LNX2: variants seen among roughly 807,000 people sequenced by gnomAD.
LNX2 encodes the protein ligand of numb-protein X 2.
Under a neutral mutation model 66.2 loss-of-function variants are expected in LNX2, and 35 were observed. That is an observed-to-expected ratio of 0.53 (90% CI 0.40 to 0.70). LNX2 has a LOEUF of 0.70. LNX2 is among the 30% of genes least tolerant of loss of function. The pLI, the probability that LNX2 is intolerant of heterozygous loss-of-function variation, is 0.00. For missense variants in LNX2, 791 were observed against 850.8 expected (o/e 0.93, Z 0.87); for synonymous variants, 337 against 315.6 (o/e 1.07, Z -0.72).
At chr13:27,556,510 A>G (rs1955063056) in intron 6 of LNX2, 97 bp from the exon 7 acceptor site, 1 of 997,840 alleles carries the variant, frequency 1.0e-6, no homozygotes, top group Admixed American at 2.6e-5. Context: ...CATGGCATTT[A>G]TAAAGTAATT....
intron 8 of LNX2, among the ~76,000 whole-genome samples, chr13:27,552,437 G>A (rs1425438745): frequency 1.3e-5 from 2 of 152,190 alleles, no homozygotes; most frequent in African/African-American, 4.8e-5. Flanking sequence ...AATTCTTATT[G>A]TTTTATTTTA....
At chr13:27,596,052 C>G (rs1535786) in intron 1 of LNX2, among the ~76,000 whole-genome samples, 103,812 of 152,062 alleles carry the variant, frequency 0.68, 36,924 homozygotes, top group African/African-American at 0.89. Context: ...ACTATCTTTT[C>G]CATGTACAGC....
chr13:27,556,337 G>A lies in LNX2; in HGVS notation c.1445C>T (p.Thr482Ile). The change falls in exon 7 of 10, where the codon ACC (threonine) becomes ATC (isoleucine). Residue 482 changes from threonine (T) to isoleucine (I), a missense_variant. Coordinates refer to ENST00000316334, the MANE Select transcript of LNX2 (RefSeq NM_153371.4). ...CTTACTTCCCCTGCCCCCAGCAACG[G>A]TCATGCCAAGGGATTCATGTGGTTC... ...KKEPHESLGM[T>I]VAGGRGSKSG... 1 of 1,613,932 alleles carries A rather than the reference G, an allele frequency of 6.2e-7. No homozygotes were observed. Among genetic ancestry groups the A allele is most frequent in the Non-Finnish European group, 8.5e-7 (1 of 1,179,950 alleles).
intron 4 of LNX2, among the ~76,000 whole-genome samples, chr13:27,564,648 T>C (rs1955182949): frequency 6.6e-6 from 1 of 152,178 alleles, no homozygotes; most frequent in Non-Finnish European, 1.5e-5. Flanking sequence ...TAAATAAATA[T>C]ATATAAATGT....
At chr13:27,602,367 C>T (rs1192590294) in intron 1 of LNX2, among the ~76,000 whole-genome samples, 1 of 152,136 alleles carries the variant, frequency 6.6e-6, no homozygotes, top group Admixed American at 6.5e-5. Flanking sequence ...CCCTTCCCAG[C>T]CAATCTCAAC....
At chr13:27,603,612 A>C (rs1014994845) in intron 1 of LNX2, among the ~76,000 whole-genome samples, 3 of 152,228 alleles carry the variant, frequency 2.0e-5, no homozygotes, top group African/African-American at 7.2e-5. Flanking sequence ...CACTTAGGGA[A>C]GCCACTAGCG....
rs567058860 is a variant in LNX2, at chr13:27,576,867, C to T, written c.407+4430G>A. ...AAACTAGAAAACTCTTAGAAGAAAA[C>T]GTACATGTAAATTTTTGTGACCTTG... is the stretch of plus-strand genomic sequence containing the variant. On this transcript the variant is annotated intron_variant, in intron 2 of 9. Coordinates refer to ENST00000316334, the MANE Select transcript of LNX2 (RefSeq NM_153371.4). 5.3e-5 allele frequency among the ~76,000 whole-genome samples: 8 copies of T among 152,158 alleles called. No individual in the cohort carries two copies. In the South Asian group the frequency reaches 6.2e-4, roughly 12 times the overall value.
intron 2 of LNX2, among the ~76,000 whole-genome samples, chr13:27,575,426 G>A (rs1050152945): frequency 1.3e-5 from 2 of 152,188 alleles, no homozygotes; most frequent in Non-Finnish European, 2.9e-5. Flanking sequence ...ACTCCATAAA[G>A]TATAAAGTAG....
rs560946472 is a variant in LNX2 at position 27,566,276 on chromosome 13, G to A, written c.855+1364C>T. ...GTGAACAAACTGGCTCATGAGATGA[G>A]GACAGGCTGCAATGTGGGAATAAGG... On this transcript the variant is annotated intron_variant, in intron 4 of 9. Transcript: ENST00000316334. Among the ~76,000 whole-genome samples, 3 of 152,268 alleles carry A rather than the reference G, an allele frequency of 2.0e-5. No individual in the cohort carries two copies. The East Asian group carries it at 5.8e-4, about 29-fold the overall frequency.
At chr13:27,594,668 G>A (rs1955578213) in intron 1 of LNX2, among the ~76,000 whole-genome samples, 1 of 151,994 alleles carries the variant, frequency 6.6e-6, no homozygotes, top group Admixed American at 6.6e-5. Flanking sequence ...TCAAAAACTA[G>A]GTCTTTATTC....
At position 27,560,003 on chromosome 13, in the gene LNX2, A is replaced by C. The variant is rs766067395; in HGVS notation, c.1225-18T>G. 4 of 1,574,702 alleles carry C rather than the reference A, an allele frequency of 2.5e-6. No homozygotes were observed. Among genetic ancestry groups the C allele is most frequent in the Non-Finnish European group, 3.5e-6 (4 of 1,159,278 alleles). On this transcript the variant is annotated intron_variant, in intron 5 of 9. Coordinates refer to ENST00000316334, the MANE Select transcript of LNX2 (RefSeq NM_153371.4). ...CCACTGGCCTGGAGAAAACACAAAT[A>C]CATTACCATAAGTGACTAATGATGT... is the stretch of plus-strand genomic sequence containing the variant.
chr13:27,618,595 T>C (rs1453594415), intron 1 of LNX2, among the ~76,000 whole-genome samples: 2 of 152,166 alleles, frequency 1.3e-5, no homozygotes, highest in Non-Finnish European at 2.9e-5. Context: ...CTGGATAAAG[T>C]CCAAATTTCT....
chr13:27,552,529 C>T (rs1163568160), intron 8 of LNX2, among the ~76,000 whole-genome samples: 1 of 152,146 alleles, frequency 6.6e-6, no homozygotes, highest in Non-Finnish European at 1.5e-5. Context: ...CGGTAAGAAT[C>T]TAAACGGATT....
chr13:27,607,275 A>G (rs760288060), intron 1 of LNX2, among the ~76,000 whole-genome samples: 4 of 152,232 alleles, frequency 2.6e-5, no homozygotes, highest in Admixed American at 2.0e-4. Flanking sequence ...ACTGCTGCTT[A>G]AGGGAAATCT....
chr13:27,616,685 T>C (rs1955830883), intron 1 of LNX2, among the ~76,000 whole-genome samples: 1 of 152,270 alleles, frequency 6.6e-6, no homozygotes, highest in African/African-American at 2.4e-5. Context: ...CTACAACACC[T>C]GCTTCTTTAA....
Position 27,550,630 on chromosome 13 carries a change from G to C in LNX2, c.1779-139C>G, listed in dbSNP as rs1273317352. The C allele has an allele frequency of 3.1e-6, 2 of 652,074 alleles. 1 individual carries two copies. Among genetic ancestry groups the C allele is most frequent in the Non-Finnish European group, 5.1e-6 (2 of 391,166 alleles). 40.4% of individuals were successfully genotyped at this position (652,074 alleles called of 1,614,324 possible). On this transcript the variant is annotated intron_variant, in intron 8 of 9. Coordinates refer to ENST00000316334, the MANE Select transcript of LNX2 (RefSeq NM_153371.4). ...GGGCTATTAATAAATAGATTATTTT[G>C]ACAATCCATCTTCTAGCAGAGACAC...
intron 6 of LNX2, among the ~76,000 whole-genome samples, chr13:27,559,310 A>G (rs1955099907): frequency 6.6e-6 from 1 of 152,114 alleles, no homozygotes; most frequent in Non-Finnish European, 1.5e-5. Flanking sequence ...AAGCTTTAAC[A>G]TAAAAAGAAA....
At chr13:27,571,104 T>A (rs947019222) in intron 2 of LNX2, among the ~76,000 whole-genome samples, 2 of 152,164 alleles carry the variant, frequency 1.3e-5, no homozygotes, top group African/African-American at 2.4e-5. Flanking sequence ...CACTCAGCAT[T>A]AGAAGAGGAA....
At chr13:27,597,190 A>G (rs985915978) in intron 1 of LNX2, among the ~76,000 whole-genome samples, 1 of 152,204 alleles carries the variant, frequency 6.6e-6, no homozygotes, top group Admixed American at 6.5e-5. Context: ...TCCTAATTTC[A>G]CAATAAAAAC....
Sources: gnomAD v4.1 joint callset for allele counts (sites outside exome capture counted in the v4.1 genomes callset) on GRCh38, gnomAD v4.1.1 for gene constraint, MANE v1.5 for transcripts, NCBI Gene and HGNC (gene_info 2026-07-23, HGNC 2026-07-21) for gene names.